TNFRSF19: variants seen among roughly 807,000 people sequenced by gnomAD.
TNFRSF19 encodes the protein tumor necrosis factor receptor superfamily member 19.
A neutral mutation model predicts 46.4 loss-of-function variants in TNFRSF19; 27 were observed. The ratio of observed to expected loss-of-function variants is 0.58; its 90% CI spans 0.43 to 0.80. The LOEUF (loss-of-function observed/expected upper bound fraction) is 0.80. TNFRSF19 is among the 30% of genes least tolerant of loss of function. TNFRSF19 has a pLI of 0.00. For missense variants in TNFRSF19, 511 were observed against 530.8 expected (o/e 0.96, Z 0.37); for synonymous variants, 204 against 205.0 (o/e 1.00, Z 0.04).
chr13:23,649,526 T>C (rs1883518996), intron 5 of TNFRSF19, among the ~76,000 whole-genome samples: 1 of 152,040 alleles, frequency 6.6e-6, no homozygotes, highest in South Asian at 2.1e-4. Context: ...TTTTCTTCCA[T>C]TATTTTCCTA....
chr13:23,578,279 T>A (rs147912696), intron 1 of TNFRSF19, among the ~76,000 whole-genome samples: 15 of 152,274 alleles, frequency 9.9e-5, no homozygotes, highest in African/African-American at 3.6e-4. Flanking sequence ...ATAACGTACA[T>A]CATTTGGAAA....
chr13:23,592,542 C>T (rs1027338198), intron 2 of TNFRSF19, among the ~76,000 whole-genome samples: 3 of 152,092 alleles, frequency 2.0e-5, no homozygotes, highest in African/African-American at 4.8e-5. Flanking sequence ...CCATTTAAGT[C>T]CTATGCTGTG....
At chr13:23,633,673 A>G (rs985626056) in intron 5 of TNFRSF19, among the ~76,000 whole-genome samples, 1 of 151,928 alleles carries the variant, frequency 6.6e-6, no homozygotes, top group Non-Finnish European at 1.5e-5. Flanking sequence ...ACATGACGAA[A>G]CCCTGTCTCT....
At chr13:23,666,157 G>T (rs535182987) in intron 7 of TNFRSF19, among the ~76,000 whole-genome samples, 1 of 152,146 alleles carries the variant, frequency 6.6e-6, no homozygotes, top group Non-Finnish European at 1.5e-5. Context: ...CTTCGTTAAG[G>T]GGGTGTCTGC....
chr13:23,603,707 G>A (rs1880323646), intron 3 of TNFRSF19, among the ~76,000 whole-genome samples: 1 of 151,796 alleles, frequency 6.6e-6, no homozygotes, highest in African/African-American at 2.4e-5. Flanking sequence ...GTGGGCTAAA[G>A]GGGAAAAAAA....
intron 4 of TNFRSF19, among the ~76,000 whole-genome samples, chr13:23,616,555 A>G (rs891024794): frequency 7.5e-6 from 1 of 132,704 alleles, no homozygotes; most frequent in African/African-American, 2.6e-5. Flanking sequence ...CTTATTTCTT[A>G]TAGGTTTTGT....
intron 1 of TNFRSF19, among the ~76,000 whole-genome samples, chr13:23,589,795 A>G (rs756216274): frequency 2.8e-4 from 43 of 152,314 alleles, no homozygotes; most frequent in Admixed American, 9.8e-4. Context: ...ACCCAGATAA[A>G]TGGGAGGTTT....
intron 5 of TNFRSF19, among the ~76,000 whole-genome samples, chr13:23,630,409 A>T (rs1882282486): frequency 6.6e-6 from 1 of 151,332 alleles, no homozygotes; most frequent in Admixed American, 6.6e-5. Flanking sequence ...TCCCCTCTCT[A>T]TCTGGATCTG....
At chr13:23,590,478 G>T (rs1879190461) in intron 2 of TNFRSF19, among the ~76,000 whole-genome samples, 1 of 152,096 alleles carries the variant, frequency 6.6e-6, no homozygotes, top group Non-Finnish European at 1.5e-5. Context: ...GGGATTACAG[G>T]CACCCACCAC....
chr13:23,667,935 G>T, intron 7 of TNFRSF19, 45 bp from the exon 8 acceptor site: 2 of 1,490,170 alleles, frequency 1.3e-6, no homozygotes, highest in Non-Finnish European at 1.8e-6. Context: ...AGTGAAAGCT[G>T]CCAGAAGGAG....
At chr13:23,614,369 CA>C (rs1726614189) in intron 3 of TNFRSF19, among the ~76,000 whole-genome samples, 1 of 152,212 alleles carries the variant, frequency 6.6e-6, no homozygotes, top group Admixed American at 6.5e-5. Flanking sequence ...CACTATCCTT[CA>C]AGTTGGTTTT....
intron 1 of TNFRSF19, among the ~76,000 whole-genome samples, chr13:23,574,529 G>T (rs1263639548): frequency 1.3e-5 from 2 of 151,876 alleles, no homozygotes; most frequent in Non-Finnish European, 2.9e-5. Flanking sequence ...TTTCTGTCAG[G>T]ATGGCCATAA....
chr13:23,667,755 C>T (rs1347085628), intron 7 of TNFRSF19, among the ~76,000 whole-genome samples: 1 of 151,976 alleles, frequency 6.6e-6, no homozygotes, highest in Non-Finnish European at 1.5e-5. Context: ...CCCCTAGCAT[C>T]CCCCCTTCTT....
intron 3 of TNFRSF19, among the ~76,000 whole-genome samples, chr13:23,612,763 A>T (rs1780890219): frequency 6.6e-6 from 1 of 152,226 alleles, no homozygotes; most frequent in African/African-American, 2.4e-5. Flanking sequence ...ATGATCAATG[A>T]ATTTTATTAT....
At chr13:23,614,771 T>G (rs1881155716) in intron 3 of TNFRSF19, among the ~76,000 whole-genome samples, 1 of 85,148 alleles carries the variant, frequency 1.2e-5, no homozygotes, top group African/African-American at 4.2e-5. Context: ...ATATATATAG[T>G]ACCTGGCAGG....
intron 3 of TNFRSF19, chr13:23,594,095 C>T (rs1247737806): frequency 6.2e-6 from 2 of 323,888 alleles, no homozygotes; most frequent in Non-Finnish European, 1.2e-5. Flanking sequence ...TTCCCATTGT[C>T]TGTGCAACCC....
intron 4 of TNFRSF19, among the ~76,000 whole-genome samples, chr13:23,619,847 G>C (rs770405750): frequency 2.0e-5 from 3 of 152,182 alleles, no homozygotes; most frequent in Non-Finnish European, 4.4e-5. Context: ...GGATTTTATA[G>C]AGCCCATGCA....
chr13:23,640,868 A>G (rs891901635), intron 5 of TNFRSF19, among the ~76,000 whole-genome samples: 8 of 152,116 alleles, frequency 5.3e-5, no homozygotes, highest in Non-Finnish European at 1.2e-4. Flanking sequence ...CTTCAGGTTC[A>G]TTTCTATCAA....
intron 1 of TNFRSF19, among the ~76,000 whole-genome samples, chr13:23,580,340 C>T (rs1878322643): frequency 6.6e-6 from 1 of 152,146 alleles, no homozygotes; most frequent in Admixed American, 6.5e-5. Flanking sequence ...TTAACTGAAA[C>T]AGTTTAACCC....
Sources: gnomAD v4.1 joint callset for allele counts (sites outside exome capture counted in the v4.1 genomes callset) on GRCh38, gnomAD v4.1.1 for gene constraint, MANE v1.5 for transcripts, NCBI Gene and HGNC (gene_info 2026-07-23, HGNC 2026-07-21) for gene names.